Variants in NOS1AP observed in about 807,000 individuals in gnomAD.
NOS1AP encodes nitric oxide synthase 1 adaptor protein, also known as carboxyl-terminal PDZ ligand of neuronal nitric oxide synthase protein.
Under a neutral mutation model 56.2 loss-of-function variants are expected in NOS1AP, and 21 were observed. That is an observed-to-expected ratio of 0.37 (90% CI 0.26 to 0.54). The LOEUF (loss-of-function observed/expected upper bound fraction) is 0.54, where lower values mean the gene tolerates loss of function less well. NOS1AP is among the 20% of genes least tolerant of loss of function. The probability of loss-of-function intolerance (pLI) is 0.84; values close to 1 mark genes in which losing one functional copy is unlikely to be tolerated. For missense variants in NOS1AP, 522 were observed against 657.8 expected (o/e 0.79, Z 2.26); for synonymous variants, 270 against 274.6 (o/e 0.98, Z 0.17).
intron 2 of NOS1AP, among the ~76,000 whole-genome samples, chr1:162,220,090 C>T (rs1350508442): frequency 6.6e-6 from 1 of 152,160 alleles, no homozygotes; most frequent in Non-Finnish European, 1.5e-5. Context: ...CACCATCATA[C>T]CCGGCTAATT....
chr1:162,360,759 C>A, intron 8 of NOS1AP: 2 of 455,420 alleles, frequency 4.4e-6, no homozygotes, highest in Non-Finnish European at 8.8e-6. Context: ...CTGCCCAAGT[C>A]CCTGCCATGT....
chr1:162,277,838 T>C (rs1188519406), intron 2 of NOS1AP, among the ~76,000 whole-genome samples: 2 of 152,216 alleles, frequency 1.3e-5, no homozygotes, highest in Non-Finnish European at 2.9e-5. Flanking sequence ...TCTCAGTCTA[T>C]ATAGTGATTT....
Position 162,370,405 on chromosome 1 carries a change from T to A in NOS1AP, c.*2938T>A, listed in dbSNP as rs1416804219. 6.6e-6 allele frequency: 1 copy of A among 152,234 alleles called. No individual in the cohort carries two copies. Among genetic ancestry groups the A allele is most frequent in the Non-Finnish European group, 1.5e-5 (1 of 68,034 alleles). 9.4% of individuals were successfully genotyped at this position (152,234 alleles called of 1,614,324 possible). A position where few individuals can be genotyped will look rare whatever the true frequency, so the allele number is the denominator to read the frequency against. On this transcript the variant is annotated 3_prime_UTR_variant, in exon 10 of 10. Coordinates refer to ENST00000361897, the MANE Select transcript of NOS1AP (RefSeq NM_014697.3). The stretch of plus-strand genomic sequence containing the variant: ...TCTCTGGGAAAAGATTCTGTTAATG[T>A]AAGTGCACTTACTCCCTGGATGTTG...
chr1:162,339,121 T>G (rs1657025831), intron 5 of NOS1AP, among the ~76,000 whole-genome samples: 2 of 152,160 alleles, frequency 1.3e-5, no homozygotes, highest in Non-Finnish European at 2.9e-5. Flanking sequence ...CAGCTGTATT[T>G]TCACAAAATT....
Position 162,287,455 on chromosome 1 carries a change from G to C in NOS1AP, c.270+19G>C. ...GAAAAAGGTAAGTGGCTCTGAACCA[G>C]AATCTGAGGTGAAGAGGAAAGCAGG... is the stretch of plus-strand genomic sequence containing the variant. On this transcript the variant is annotated intron_variant, in intron 3 of 9. Transcript: ENST00000361897. The C allele has an allele frequency of 1.3e-6, 2 of 1,540,928 alleles. No homozygotes were observed. The highest frequency in any genetic ancestry group is 1.7e-4 in the Middle Eastern group (1 of 5,918).
At chr1:162,325,911 C>T (rs909017929) in intron 4 of NOS1AP, among the ~76,000 whole-genome samples, 10 of 152,012 alleles carry the variant, frequency 6.6e-5, no homozygotes, top group Non-Finnish European at 1.2e-4. Flanking sequence ...CTAGCCCCAC[C>T]GAGAGATACT....
intron 6 of NOS1AP, among the ~76,000 whole-genome samples, chr1:162,350,827 T>C (rs915276008): frequency 2.0e-5 from 3 of 152,030 alleles, no homozygotes; most frequent in African/African-American, 7.3e-5. Flanking sequence ...CCGCAATTCC[T>C]GGTAACTACC....
At chr1:162,340,157 A>G (rs759573264) in intron 5 of NOS1AP, among the ~76,000 whole-genome samples, 13 of 152,238 alleles carry the variant, frequency 8.5e-5, no homozygotes, top group Non-Finnish European at 1.5e-4. Flanking sequence ...AACATGCTAC[A>G]GTGTCCTTTT....
intron 1 of NOS1AP, among the ~76,000 whole-genome samples, chr1:162,096,081 A>G (rs1298497535): frequency 4.6e-5 from 7 of 152,312 alleles, no homozygotes; most frequent in East Asian, 1.9e-4. Flanking sequence ...ATTTTCTACC[A>G]CTAGCATTTA....
intron 1 of NOS1AP, among the ~76,000 whole-genome samples, chr1:162,135,741 T>A (rs1388144679): frequency 1.3e-5 from 2 of 152,212 alleles, no homozygotes; most frequent in Non-Finnish European, 2.9e-5. Flanking sequence ...GCAAAGAGGC[T>A]GACTTACTTT....
chr1:162,341,613 T>C (rs561701249), intron 5 of NOS1AP, among the ~76,000 whole-genome samples: 2 of 152,300 alleles, frequency 1.3e-5, no homozygotes, highest in South Asian at 4.2e-4. Context: ...TTCTGTATAG[T>C]GGACACTGGT....
chr1:162,282,800 G>A (rs1557862265), intron 2 of NOS1AP, among the ~76,000 whole-genome samples: 1 of 152,194 alleles, frequency 6.6e-6, no homozygotes, highest in Admixed American at 6.5e-5. Flanking sequence ...CACAGTCAAG[G>A]ACTTACAGAG....
At chr1:162,345,441 A>G (rs117343733) in intron 6 of NOS1AP, among the ~76,000 whole-genome samples, 10,717 of 152,076 alleles carry the variant, frequency 0.07, 549 homozygotes, top group South Asian at 0.16. Flanking sequence ...TTTACTGAGA[A>G]TGATGATTTC....
intron 2 of NOS1AP, among the ~76,000 whole-genome samples, chr1:162,176,948 A>C (rs2102140815): frequency 6.6e-6 from 1 of 152,354 alleles, no homozygotes; most frequent in South Asian, 2.1e-4. Context: ...ATGTGCACAT[A>C]AGCTTTCAAA....
intron 2 of NOS1AP, among the ~76,000 whole-genome samples, chr1:162,198,827 G>A (rs570932750): frequency 2.6e-5 from 4 of 152,102 alleles, no homozygotes; most frequent in Non-Finnish European, 5.9e-5. Flanking sequence ...AGTGAGGCTG[G>A]AGGACACTGT....
At position 162,357,971 on chromosome 1, in the gene NOS1AP, G is replaced by A. The variant is rs189527755; in HGVS notation, c.939+835G>A. On this transcript the variant is annotated intron_variant, in intron 8 of 9. Coordinates refer to ENST00000361897, the MANE Select transcript of NOS1AP (RefSeq NM_014697.3). ...ATTCATACCCAAGGCTGAATCCTGA[G>A]GCGAGAGGCAGGGTCAGGGCCTGAT... Among the ~76,000 whole-genome samples the A allele has an allele frequency of 3.4e-5, 5 of 148,680 alleles. No individual in the cohort carries two copies. In the East Asian group the frequency reaches 9.7e-4, roughly 29 times the overall value.
At chr1:162,295,484 G>C (rs911432240) in intron 3 of NOS1AP, among the ~76,000 whole-genome samples, 1 of 151,696 alleles carries the variant, frequency 6.6e-6, no homozygotes, top group African/African-American at 2.4e-5. Flanking sequence ...TGGGAAATTT[G>C]TTTTTCTTTC....
chr1:162,257,823 G>A (rs373766587), intron 2 of NOS1AP, among the ~76,000 whole-genome samples: 1 of 152,128 alleles, frequency 6.6e-6, no homozygotes, highest in Non-Finnish European at 1.5e-5. Flanking sequence ...CACAGTGAGT[G>A]TAACCCAAAG....
At chr1:162,328,981 T>C (rs1656681111) in intron 4 of NOS1AP, among the ~76,000 whole-genome samples, 1 of 152,126 alleles carries the variant, frequency 6.6e-6, no homozygotes, top group South Asian at 2.1e-4. Flanking sequence ...AGTTTACCTA[T>C]AGATGAATAG....
Sources: gnomAD v4.1 joint callset for allele counts (sites outside exome capture counted in the v4.1 genomes callset) on GRCh38, gnomAD v4.1.1 for gene constraint, MANE v1.5 for transcripts, NCBI Gene and HGNC (gene_info 2026-07-23, HGNC 2026-07-21) for gene names.